BANK1: variants seen among roughly 807,000 people sequenced by gnomAD.
BANK1 encodes the protein B cell scaffold protein with ankyrin repeats 1, also known as B-cell scaffold protein with ankyrin repeats.
Under a neutral mutation model 94.5 loss-of-function variants are expected in BANK1, and 95 were observed. The ratio of observed to expected loss-of-function variants is 1.00; its 90% CI spans 0.85 to 1.19. The LOEUF (loss-of-function observed/expected upper bound fraction) is 1.19, where lower values mean the gene tolerates loss of function less well. BANK1 is among the 50% of genes most tolerant of loss of function. The probability of loss-of-function intolerance (pLI) is 0.00; values close to 1 mark genes in which losing one functional copy is unlikely to be tolerated. For synonymous variants in BANK1, 334 were observed against 308.4 expected, an observed-to-expected ratio of 1.08 and a Z score of -0.87; for missense variants, 987 against 932.2, an observed-to-expected ratio of 1.06 and a Z score of -0.77.
At chr4:101,839,988 A>T (rs551128819) in intron 2 of BANK1, among the ~76,000 whole-genome samples, 2 of 39,678 alleles carry the variant, frequency 5.0e-5, no homozygotes, top group African/African-American at 1.7e-4. Flanking sequence ...TTTTTTTTTG[A>T]GACAGAGTCT....
At chr4:102,001,274 G>A (rs1560677947) in intron 7 of BANK1, among the ~76,000 whole-genome samples, 1 of 152,174 alleles carries the variant, frequency 6.6e-6, no homozygotes, top group Non-Finnish European at 1.5e-5. Context: ...AGCCCAAAGT[G>A]TTTTATTCTG....
intron 2 of BANK1, among the ~76,000 whole-genome samples, chr4:101,853,082 A>G (rs1445398123): frequency 6.6e-6 from 1 of 152,070 alleles, no homozygotes; most frequent in Non-Finnish European, 1.5e-5. Flanking sequence ...GAGAGAGAGA[A>G]AGAAAGAAAG....
At chr4:101,998,966 G>A (rs1005254100) in intron 7 of BANK1, among the ~76,000 whole-genome samples, 1 of 152,076 alleles carries the variant, frequency 6.6e-6, no homozygotes, top group Non-Finnish European at 1.5e-5. Flanking sequence ...CTGATAAAGG[G>A]TGCAAAGAAC....
intron 3 of BANK1, 113 bp from the exon 4 acceptor site, chr4:101,862,413 A>C (rs1172950319): frequency 4.0e-6 from 3 of 747,688 alleles, no homozygotes; most frequent in Non-Finnish European, 5.9e-6. Flanking sequence ...CAAACACCAT[A>C]GAAGACTTAT....
intron 1 of BANK1, among the ~76,000 whole-genome samples, chr4:101,797,286 G>A (rs184684972): frequency 4.9e-4 from 74 of 152,214 alleles, no homozygotes; most frequent in South Asian, 1.0e-3. Flanking sequence ...ATGTGACAAG[G>A]TTACACTCAC....
chr4:101,828,383 TTATA>T (rs60877981), intron 1 of BANK1, among the ~76,000 whole-genome samples: 14,353 of 142,012 alleles, frequency 0.1, 1,830 homozygotes, highest in African/African-American at 0.29. Flanking sequence ...ATGAGTGAAT[TTATA>T]TATATATATA....
intron 7 of BANK1, among the ~76,000 whole-genome samples, chr4:101,970,473 T>A (rs937444056): frequency 6.6e-6 from 1 of 152,090 alleles, no homozygotes; most frequent in African/African-American, 2.4e-5. Flanking sequence ...TTTCTTTCAT[T>A]TTATTCTGTC....
intron 6 of BANK1, among the ~76,000 whole-genome samples, chr4:101,910,008 C>A (rs1463404419): frequency 2.0e-5 from 3 of 152,122 alleles, no homozygotes; most frequent in Non-Finnish European, 2.9e-5. Flanking sequence ...TTATTTAGTT[C>A]TCTGTGAGGT....
chr4:102,066,386 A>G (rs1471832135), intron 13 of BANK1, among the ~76,000 whole-genome samples: 1 of 151,356 alleles, frequency 6.6e-6, no homozygotes, highest in African/African-American at 2.4e-5. Flanking sequence ...CCTCCCGAGT[A>G]GCTGAGACTA....
intron 2 of BANK1, among the ~76,000 whole-genome samples, chr4:101,853,443 A>G (rs1364781106): frequency 6.6e-6 from 1 of 152,186 alleles, no homozygotes; most frequent in African/African-American, 2.4e-5. Flanking sequence ...CTGCTTAGCC[A>G]AAGAGCACCA....
At chr4:102,063,701 A>G (rs1728498110) in intron 13 of BANK1, among the ~76,000 whole-genome samples, 1 of 151,962 alleles carries the variant, frequency 6.6e-6, no homozygotes, top group South Asian at 2.1e-4. Context: ...GCATGCCTGT[A>G]ATCCCAGCTA....
chr4:101,867,727 T>A (rs181234479), intron 4 of BANK1, among the ~76,000 whole-genome samples: 73 of 151,178 alleles, frequency 4.8e-4, no homozygotes, highest in Non-Finnish European at 8.7e-4. Context: ...GCCATGCACA[T>A]GTACCCTAAA....
At chr4:102,060,692 T>G (rs984949622) in intron 12 of BANK1, among the ~76,000 whole-genome samples, 1 of 152,162 alleles carries the variant, frequency 6.6e-6, no homozygotes. Flanking sequence ...TAAAGCATCT[T>G]TACACTGAAG....
chr4:101,995,587 C>T (rs1421762020), intron 7 of BANK1, among the ~76,000 whole-genome samples: 1 of 152,196 alleles, frequency 6.6e-6, no homozygotes, highest in African/African-American at 2.4e-5. Context: ...TCCTATTTCT[C>T]CACATCCTCT....
intron 7 of BANK1, among the ~76,000 whole-genome samples, chr4:101,989,376 A>T (rs922073160): frequency 6.9e-6 from 1 of 145,026 alleles, no homozygotes; most frequent in Admixed American, 7.1e-5. Flanking sequence ...GGTTGCAGTG[A>T]GCCGAGATCA....
At chr4:102,046,172 G>A (rs1055491550) in intron 11 of BANK1, among the ~76,000 whole-genome samples, 2 of 151,742 alleles carry the variant, frequency 1.3e-5, no homozygotes, top group Admixed American at 6.6e-5. Flanking sequence ...TGAGAAACCT[G>A]AGAAAAACAA....
intron 7 of BANK1, among the ~76,000 whole-genome samples, chr4:101,954,673 G>A (rs1724279615): frequency 6.6e-6 from 1 of 152,160 alleles, no homozygotes; most frequent in Admixed American, 6.6e-5. Flanking sequence ...ATGGAATTTT[G>A]TGGATTGTTC....
intron 2 of BANK1, among the ~76,000 whole-genome samples, chr4:101,847,740 C>T (rs1382025362): frequency 1.1e-3 from 61 of 57,116 alleles, no homozygotes; most frequent in African/African-American, 3.7e-3. Context: ...CCATCATACA[C>T]ACACACACAC....
chr4:102,041,770 A>G (rs1481042003), intron 10 of BANK1, among the ~76,000 whole-genome samples: 1 of 152,046 alleles, frequency 6.6e-6, no homozygotes, highest in Admixed American at 6.6e-5. Context: ...TGAAATCGCG[A>G]CAATAAATAT....
Sources: allele counts gnomAD v4.1 joint callset (sites outside exome capture counted in the v4.1 genomes callset), GRCh38; gene constraint gnomAD v4.1.1; transcripts MANE v1.5; gene names NCBI Gene and HGNC (gene_info 2026-07-23, HGNC 2026-07-21).